The following DTNA variants were observed in gnomAD, a reference collection of about 807,000 sequenced individuals.
DTNA encodes dystrobrevin alpha, also known as dystrophin-related protein 3.
A neutral mutation model predicts 100.7 loss-of-function variants in DTNA; 43 were observed. The ratio of observed to expected loss-of-function variants is 0.43; its 90% CI spans 0.33 to 0.55. The LOEUF is 0.55. DTNA is among the 20% of genes least tolerant of loss of function. The pLI, the probability that DTNA is intolerant of heterozygous loss-of-function variation, is 0.04. For synonymous variants in DTNA, 349 were observed against 347.9 expected (o/e 1.00, Z -0.04); for missense variants, 798 against 953.9 (o/e 0.84, Z 2.15).
intron 1 of DTNA, among the ~76,000 whole-genome samples, chr18:34,729,737 G>C (rs1003057600): frequency 6.6e-6 from 1 of 152,004 alleles, no homozygotes; most frequent in African/African-American, 2.4e-5. Flanking sequence ...TCTAAATTAG[G>C]ACACAAAGAA....
In DTNA at chr18:34,875,253, C is replaced by T. The variant is rs1057521757; in HGVS notation, c.1758C>T (p.Gly586=). Residue 586 remains glycine, a synonymous_variant, in exon 18 of 23, where the codon GGC becomes GGT. Transcript: ENST00000444659. ...LMKLLKTQGA[G]SPRSSPSHTI... is the part of the protein sequence containing the mutation. Reference sequence around the variant, plus strand: ...TGTCTCTCCAGACTCAGGGGGCAGGCTCTCCCCGCTCCTCCCCCAGCCACA... The same window carrying T: ...TGTCTCTCCAGACTCAGGGGGCAGGTTCTCCCCGCTCCTCCCCCAGCCACA... The T allele has an allele frequency of 1.9e-6, 3 of 1,613,902 alleles. No individual in the cohort carries two copies. In the African/African-American group the frequency reaches 4.0e-5, roughly 22 times the overall value.
intron 1 of DTNA, among the ~76,000 whole-genome samples, chr18:34,731,589 T>C (rs2088248090): frequency 6.6e-6 from 1 of 152,248 alleles, no homozygotes; most frequent in African/African-American, 2.4e-5. Context: ...ATGATGATGA[T>C]GATGATTCTG....
chr18:34,838,272 T>G lies in DTNA; in HGVS notation c.1253+101T>G, dbSNP rs886684079. The G allele has an allele frequency of 5.6e-5, 74 of 1,317,990 alleles. 1 individual carries two copies. In the East Asian group the frequency reaches 1.8e-3, roughly 32 times the overall value. 81.6% of individuals were successfully genotyped at this position (1,317,990 alleles called of 1,614,324 possible). On this transcript the variant is annotated intron_variant, in intron 12 of 22. Transcript: ENST00000444659. ...TTTGTGTGTGAAAGACTGTCTTTGA[T>G]TCAGTAAAAGCAGCTCTGCTTTAAC...
intron 1 of DTNA, among the ~76,000 whole-genome samples, chr18:34,605,816 T>A (rs1191088038): frequency 6.6e-6 from 1 of 152,180 alleles, no homozygotes; most frequent in Non-Finnish European, 1.5e-5. Context: ...TTTCTCTCAA[T>A]GGCTGCAGTA....
intron 1 of DTNA, among the ~76,000 whole-genome samples, chr18:34,753,383 A>AT (rs1568413203): frequency 7.9e-5 from 1 of 12,646 alleles, no homozygotes; most frequent in African/African-American, 2.5e-4. Flanking sequence ...TTTTTTTTTT[A>AT]TTTTTTATTT....
chr18:34,502,313 A>G (rs1385047091), intron 1 of DTNA, among the ~76,000 whole-genome samples: 1 of 152,006 alleles, frequency 6.6e-6, no homozygotes, highest in Non-Finnish European at 1.5e-5. Flanking sequence ...AAAAGAACAC[A>G]TTGTTTCATT....
intron 17 of DTNA, chr18:34,866,834 C>G: frequency 9.8e-7 from 1 of 1,016,978 alleles, no homozygotes; most frequent in Non-Finnish European, 1.2e-6. Flanking sequence ...TCCTTAGCAC[C>G]AGAGCCTTTC....
At chr18:34,506,592 A>T (rs75127284) in intron 1 of DTNA, among the ~76,000 whole-genome samples, 1 of 152,052 alleles carries the variant, frequency 6.6e-6, no homozygotes, top group Non-Finnish European at 1.5e-5. Flanking sequence ...TCTAGCTATG[A>T]TGCTCCTTTC....
intron 17 of DTNA, among the ~76,000 whole-genome samples, chr18:34,871,053 C>T (rs1234233888): frequency 6.6e-6 from 1 of 152,200 alleles, no homozygotes; most frequent in African/African-American, 2.4e-5. Context: ...CTTTGCTGCA[C>T]CTTCCCAAGC....
chr18:34,507,805 C>T (rs1029147513), intron 1 of DTNA, among the ~76,000 whole-genome samples: 2 of 152,264 alleles, frequency 1.3e-5, no homozygotes, highest in African/African-American at 4.8e-5. Context: ...GTCTTATAGC[C>T]AGCTATACAG....
chr18:34,527,319 C>T (rs1421347770), intron 1 of DTNA, among the ~76,000 whole-genome samples: 1 of 151,946 alleles, frequency 6.6e-6, no homozygotes, highest in Non-Finnish European at 1.5e-5. Context: ...CAAAGAGAAT[C>T]GCCTGCTCGT....
chr18:34,618,124 G>A (rs941534904), intron 1 of DTNA, among the ~76,000 whole-genome samples: 1 of 152,144 alleles, frequency 6.6e-6, no homozygotes, highest in Non-Finnish European at 1.5e-5. Context: ...TCCGGAAGAG[G>A]AAACCACAGT....
At chr18:34,521,226 A>T (rs1241758223) in intron 1 of DTNA, among the ~76,000 whole-genome samples, 2 of 151,862 alleles carry the variant, frequency 1.3e-5, no homozygotes, top group Non-Finnish European at 2.9e-5. Context: ...CTTGTCTCCC[A>T]TTTCCCCTGA....
intron 1 of DTNA, among the ~76,000 whole-genome samples, chr18:34,507,149 C>T (rs2040571919): frequency 6.6e-6 from 1 of 152,084 alleles, no homozygotes; most frequent in Non-Finnish European, 1.5e-5. Flanking sequence ...AATTCTCTCT[C>T]CCCTCCTGGA....
At chr18:34,709,964 A>T (rs1392288275), upstream of DTNA, among the ~76,000 whole-genome samples, 1 of 152,220 alleles carries the variant, frequency 6.6e-6, no homozygotes, top group South Asian at 2.1e-4. Context: ...ATTTAAAAAT[A>T]TTTAGTTGGC....
chr18:34,500,585 TCCTGAG>T (rs2039798376), intron 1 of DTNA, among the ~76,000 whole-genome samples: 1 of 151,612 alleles, frequency 6.6e-6, no homozygotes, highest in African/African-American at 2.4e-5. Flanking sequence ...TGCCTCAGCC[TCCTGAG>T]TAGCTGGGAT....
chr18:34,825,064 T>A (rs77685796), intron 9 of DTNA, among the ~76,000 whole-genome samples: 1 of 142,184 alleles, frequency 7.0e-6, no homozygotes, highest in Admixed American at 6.8e-5. Flanking sequence ...GAAAATGCCA[T>A]TTTTTTTTTA....
intron 18 of DTNA, among the ~76,000 whole-genome samples, 157 bp from the exon 19 acceptor site, chr18:34,877,562 G>A (rs2096830629): frequency 6.6e-6 from 1 of 152,124 alleles, no homozygotes; most frequent in African/African-American, 2.4e-5. Flanking sequence ...TGTTGTTGTT[G>A]TTCTTGTTTC....
At chr18:34,508,750 C>G (rs369483316) in intron 1 of DTNA, among the ~76,000 whole-genome samples, 10 of 152,084 alleles carry the variant, frequency 6.6e-5, no homozygotes, top group African/African-American at 2.4e-4. Context: ...CACATAGTAT[C>G]CACCTCTTCT....
Sources: allele counts gnomAD v4.1 joint callset (sites outside exome capture counted in the v4.1 genomes callset), GRCh38; gene constraint gnomAD v4.1.1; transcripts MANE v1.5; gene names NCBI Gene and HGNC (gene_info 2026-07-23, HGNC 2026-07-21).